INPP1: variants seen among roughly 807,000 people sequenced by gnomAD.
INPP1 encodes the protein inositol polyphosphate-1-phosphatase, also known as inositol polyphosphate 1-phosphatase.
In INPP1, 18 loss-of-function variants were observed where a neutral mutation model predicts 23.0. The ratio of observed to expected loss-of-function variants is 0.78; its 90% CI spans 0.54 to 1.16. The LOEUF is 1.16. Ranked by LOEUF, INPP1 falls within the 50% of genes most tolerant of loss-of-function variation. INPP1 has a pLI of 0.00. For missense variants in INPP1, 448 were observed against 482.1 expected (o/e 0.93, Z 0.66); for synonymous variants, 164 against 176.3 (o/e 0.93, Z 0.55).
rs369288001 is a variant in INPP1 at position 190,366,573 on chromosome 2, C to T, written c.266-122C>T. The T allele has an allele frequency of 8.4e-4, 619 of 740,580 alleles. 7 individuals are homozygous for T. In the South Asian group the frequency reaches 9.4e-3, roughly 11 times the overall value. The allele number at this position is 740,580 out of a possible 1,614,324, so 45.9% of individuals were successfully genotyped here. A position where few individuals can be genotyped will look rare whatever the true frequency, so the allele number is the denominator to read the frequency against. Reference sequence around the variant, plus strand: ...GCTCTGTCTCGCTCTCTGTGTCTCTCGCTCTCTCTCTGTCTCTCTCTCTCG... The same window carrying T: ...GCTCTGTCTCGCTCTCTGTGTCTCTTGCTCTCTCTCTGTCTCTCTCTCTCG... On this transcript the variant is annotated intron_variant, in intron 4 of 6. Transcript: ENST00000392329.
intron 4 of INPP1, chr2:190,365,117 T>C (rs1689618341): frequency 5.9e-6 from 1 of 169,250 alleles, no homozygotes; most frequent in South Asian, 2.0e-4. Flanking sequence ...TACCAGCCTC[T>C]TCCCTCACTT....
chr2:190,352,324 G>A lies in INPP1; in HGVS notation c.-65+3293G>A, dbSNP rs937204512. Among the ~76,000 whole-genome samples the A allele has an allele frequency of 6.6e-6, 1 of 152,104 alleles. No individual in the cohort carries two copies. The highest frequency in any genetic ancestry group is 1.5e-5 in the Non-Finnish European group (1 of 68,024). On this transcript the variant is annotated intron_variant, in intron 2 of 6. Transcript: ENST00000392329. This position sits in a 1 kb window ranked among gnomAD's most constrained non-coding sequence, Gnocchi z 4.7. ...TGAGGTAATGACAGCAACATCACCC[G>A]GATCAACATGAAATAAGACCCAGGA...
At chr2:190,364,469 G>C (rs1689599518) in intron 4 of INPP1, among the ~76,000 whole-genome samples, 1 of 151,762 alleles carries the variant, frequency 6.6e-6, no homozygotes, top group Non-Finnish European at 1.5e-5. Context: ...GTGAACCCGG[G>C]AGGCGGAGCT....
At chr2:190,348,460 A>G (rs1468993099) in intron 1 of INPP1, among the ~76,000 whole-genome samples, 1 of 152,144 alleles carries the variant, frequency 6.6e-6, no homozygotes, top group Non-Finnish European at 1.5e-5. Flanking sequence ...AAGTACATTC[A>G]CTTTGTTATG....
Position 190,369,266 on chromosome 2 carries a change from A to C in INPP1, c.630A>C (p.Pro210=), listed in dbSNP as rs762990235. ...VINQPFVSRD[P]NTLRWKGQCY... is the part of the protein sequence containing the mutation. Reference sequence around the variant, plus strand: ...ATCAACCTTTTGTGTCACGAGATCCAAACACCCTCAGGTAAAAGGCAAATA... The same window carrying C: ...ATCAACCTTTTGTGTCACGAGATCCCAACACCCTCAGGTAAAAGGCAAATA... Residue 210 remains proline (P), a synonymous_variant, in exon 6 of 7, where the codon CCA becomes CCC. Transcript: ENST00000392329. 1 of 1,580,882 alleles carries C rather than the reference A, an allele frequency of 6.3e-7. No homozygotes were observed. Among genetic ancestry groups the C allele is most frequent in the Non-Finnish European group, 8.6e-7 (1 of 1,156,428 alleles).
intron 3 of INPP1, among the ~76,000 whole-genome samples, chr2:190,362,026 T>C (rs1302037332): frequency 2.6e-5 from 4 of 152,216 alleles, no homozygotes; most frequent in African/African-American, 9.6e-5. Flanking sequence ...AGAAGATTCT[T>C]ACTTGACTCC....
chr2:190,365,742 C>CT (rs1300445794), intron 4 of INPP1, among the ~76,000 whole-genome samples: 1 of 152,234 alleles, frequency 6.6e-6, no homozygotes, highest in Non-Finnish European at 1.5e-5. Context: ...TGCCCTCAAT[C>CT]TAAGTGCACA....
chr2:190,349,585 A>T (rs1009950343), intron 2 of INPP1, among the ~76,000 whole-genome samples: 8 of 152,216 alleles, frequency 5.3e-5, no homozygotes, highest in Non-Finnish European at 1.0e-4. Context: ...TTGTATTTTT[A>T]AAAAATTTAT....
At chr2:190,365,358 A>G (rs1689624065) in intron 4 of INPP1, among the ~76,000 whole-genome samples, 1 of 152,238 alleles carries the variant, frequency 6.6e-6, no homozygotes, top group Admixed American at 6.5e-5. Context: ...ACTTAGCATA[A>G]ACAATTTTAA....
At chr2:190,357,240 T>G (rs1200469558) in intron 2 of INPP1, among the ~76,000 whole-genome samples, 1 of 152,236 alleles carries the variant, frequency 6.6e-6, no homozygotes, top group Non-Finnish European at 1.5e-5. Context: ...CTCGAGGGGC[T>G]GAGACATTCT....
intron 2 of INPP1, among the ~76,000 whole-genome samples, chr2:190,350,279 C>T (rs1689301226): frequency 6.6e-6 from 1 of 152,130 alleles, no homozygotes; most frequent in Admixed American, 6.5e-5. Context: ...CTATTTTTTT[C>T]CGAGCATTTA....
rs1689193329 is a variant in INPP1 at position 190,345,325 on chromosome 2, A to G, written c.-209+1364A>G. ...GCCCTTTAAAATGATATACCTTATT[A>G]TAGATTTAAATTATAGCTTTCCTTG... On this transcript the variant is annotated intron_variant, in intron 1 of 6. Transcript: ENST00000392329. This position sits in a 1 kb window ranked among gnomAD's most constrained non-coding sequence, Gnocchi z 4.9. Among the ~76,000 whole-genome samples the G allele has an allele frequency of 6.6e-6, 1 of 152,210 alleles. No individual in the cohort carries two copies. Among genetic ancestry groups the G allele is most frequent in the African/African-American group, 2.4e-5 (1 of 41,454 alleles).
rs71027214 is a variant in INPP1 at position 190,354,925 on chromosome 2, GGTGTGT to G, written c.-64-5098_-64-5093del. 5.9e-4 allele frequency among the ~76,000 whole-genome samples: 87 copies of G among 146,564 alleles called. No homozygotes were observed. The highest frequency in any genetic ancestry group is 1.7e-3 in the African/African-American group (66 of 39,330). On this transcript the variant is annotated intron_variant, in intron 2 of 6. Transcript: ENST00000392329. The surrounding 1 kb of genome is among the most constrained non-coding windows in gnomAD (Gnocchi z 4.8). ...AACCTAGTGACAGATATCAACTAGG[GGTGTGT>G]GTGTGTGTGTGTGTGCATTTTTTTT...
chr2:190,345,155 T>G lies in INPP1; in HGVS notation c.-209+1194T>G, dbSNP rs1362857948. Among the ~76,000 whole-genome samples the G allele has an allele frequency of 2.0e-5, 3 of 152,264 alleles. No homozygotes were observed. The highest frequency in any genetic ancestry group is 4.4e-5 in the Non-Finnish European group (3 of 68,044). On this transcript the variant is annotated intron_variant, in intron 1 of 6. Coordinates refer to ENST00000392329, the MANE Select transcript of INPP1 (RefSeq NM_001128928.2). This position sits in a 1 kb window ranked among gnomAD's most constrained non-coding sequence, Gnocchi z 4.9. ...ATTTTTAAGTTTTTATGGATTTTTA[T>G]ACTACTTTTGAAGTCAGCTTAGTCA...
rs1246660229 is a variant in INPP1 at position 190,354,194 on chromosome 2, A to G, written c.-65+5163A>G. 6.6e-6 allele frequency among the ~76,000 whole-genome samples: 1 copy of G among 152,240 alleles called. No homozygotes were observed. The highest frequency in any genetic ancestry group is 1.9e-4 in the East Asian group (1 of 5,200). On this transcript the variant is annotated intron_variant, in intron 2 of 6. Transcript: ENST00000392329. The surrounding 1 kb of genome is among the most constrained non-coding windows in gnomAD (Gnocchi z 4.8). ...TTGGCTGTTAAAGCGAATAGCTTTTAGTGGGAACGACTGCCTCACAGATGT... is the reference window on the plus strand; with the variant it reads ...TTGGCTGTTAAAGCGAATAGCTTTTGGTGGGAACGACTGCCTCACAGATGT...
At chr2:190,353,538 T>A (rs967684501) in intron 2 of INPP1, among the ~76,000 whole-genome samples, 6 of 152,212 alleles carry the variant, frequency 3.9e-5, no homozygotes, top group Non-Finnish European at 8.8e-5. Context: ...TATTTCAGAG[T>A]CATAGCTATC....
rs776066664 is a variant in INPP1 at position 190,362,607 on chromosome 2, T to C, written c.205-20T>C. ...GTGTGGGTTTTTGTTTTGTTTTTCG[T>C]CATACTCTGAATCATTCAGTTTCCA... is the stretch of plus-strand genomic sequence containing the variant. On this transcript the variant is annotated intron_variant, in intron 3 of 6. Coordinates refer to ENST00000392329, the MANE Select transcript of INPP1 (RefSeq NM_001128928.2). 1 of 1,569,758 alleles carries C rather than the reference T, an allele frequency of 6.4e-7. No individual in the cohort carries two copies. The highest frequency in any genetic ancestry group is 1.2e-5 in the South Asian group (1 of 86,784).
In INPP1 at chr2:190,360,366, A is replaced by C. The variant is rs545124183; in HGVS notation, c.204+60A>C. 6.9e-6 allele frequency: 10 copies of C among 1,445,012 alleles called. No homozygotes were observed. In the Admixed American group the frequency reaches 7.0e-5, roughly 10 times the overall value. The allele number at this position is 1,445,012 out of a possible 1,614,324, so 89.5% of individuals were successfully genotyped here. A position where few individuals can be genotyped will look rare whatever the true frequency, so the allele number is the denominator to read the frequency against. ...AGTTGCATCTGTGGCTTTCTCCATC[A>C]TAGAATAGCATGCCTTTTGCTCCTC... On this transcript the variant is annotated intron_variant, in intron 3 of 6. Transcript: ENST00000392329.
At chr2:190,347,579 T>C (rs1689243392) in intron 1 of INPP1, among the ~76,000 whole-genome samples, 1 of 152,186 alleles carries the variant, frequency 6.6e-6, no homozygotes, top group Non-Finnish European at 1.5e-5. Flanking sequence ...TTTGTTTTTA[T>C]TTTTAACCAA....
Sources: gnomAD v4.1 joint callset for allele counts (sites outside exome capture counted in the v4.1 genomes callset) on GRCh38, gnomAD v4.1.1 for gene constraint, Gnocchi (gnomAD v3.1) non-coding constraint, MANE v1.5 for transcripts, NCBI Gene and HGNC (gene_info 2026-07-23, HGNC 2026-07-21) for gene names.